Variants in ANXA6 observed in about 807,000 individuals in gnomAD.
ANXA6 encodes 67 kDa calelectrin.
A neutral mutation model predicts 95.4 loss-of-function variants in ANXA6; 71 were observed. That is an observed-to-expected ratio of 0.74 (90% CI 0.61 to 0.91). ANXA6 has a LOEUF of 0.91. ANXA6 is among the 40% of genes least tolerant of loss of function. The pLI is 0.00. For missense variants in ANXA6, 830 were observed against 876.4 expected (o/e 0.95, Z 0.67); for synonymous variants, 289 against 315.9 (o/e 0.91, Z 0.90).
intron 2 of ANXA6, among the ~76,000 whole-genome samples, chr5:151,141,094 G>A (rs749882009): frequency 1.3e-5 from 2 of 152,260 alleles, no homozygotes; most frequent in Non-Finnish European, 2.9e-5. Flanking sequence ...GGAGAGAAGC[G>A]GCAGAGAGCC....
At chr5:151,127,187 C>T (rs552084144) in intron 13 of ANXA6, among the ~76,000 whole-genome samples, 2 of 152,368 alleles carry the variant, frequency 1.3e-5, no homozygotes, top group South Asian at 4.1e-4. Flanking sequence ...CCTGCATCTC[C>T]TCCTGCAAAG....
intron 15 of ANXA6, among the ~76,000 whole-genome samples, chr5:151,124,062 A>T (rs1309169411): frequency 6.6e-6 from 1 of 152,090 alleles, no homozygotes; most frequent in African/African-American, 2.4e-5. Flanking sequence ...AGGCTGGGGG[A>T]CACCTTGGTC....
chr5:151,129,788 A>G (rs1331306414), intron 11 of ANXA6, among the ~76,000 whole-genome samples: 1 of 151,940 alleles, frequency 6.6e-6, no homozygotes, highest in Non-Finnish European at 1.5e-5. Context: ...TCAGCTCACT[A>G]CAACCTCTGC....
At chr5:151,132,987 G>T in intron 9 of ANXA6, 107 bp downstream of exon 9, 1 of 857,882 alleles carries the variant, frequency 1.2e-6, no homozygotes, top group Non-Finnish European at 1.9e-6. Context: ...GGTTGGGAAT[G>T]AAGTAGGTAT....
intron 1 of ANXA6, among the ~76,000 whole-genome samples, chr5:151,150,457 T>A (rs535988701): frequency 6.6e-6 from 1 of 152,346 alleles, no homozygotes; most frequent in Non-Finnish European, 1.5e-5. Flanking sequence ...TGATATTTAC[T>A]GTGCTGGTGG....
intron 25 of ANXA6, among the ~76,000 whole-genome samples, chr5:151,101,961 G>T (rs948910921): frequency 6.6e-6 from 1 of 152,198 alleles, no homozygotes; most frequent in Non-Finnish European, 1.5e-5. Flanking sequence ...GCACTCTGCT[G>T]ATACCCTCCC....
intron 11 of ANXA6, 123 bp downstream of exon 11, chr5:151,131,108 C>T: frequency 1.0e-6 from 1 of 987,462 alleles, no homozygotes; most frequent in East Asian, 2.5e-5. Flanking sequence ...AGAGCACCTT[C>T]ACCAGGGTCA....
chr5:151,104,655 C>A (rs1422673306), intron 24 of ANXA6, among the ~76,000 whole-genome samples: 1 of 152,194 alleles, frequency 6.6e-6, no homozygotes, highest in Non-Finnish European at 1.5e-5. Flanking sequence ...TTCCTTCCTA[C>A]CCTCCCACCT....
intron 4 of ANXA6, 109 bp downstream of exon 4, chr5:151,139,244 A>T: frequency 1.3e-6 from 1 of 784,102 alleles, no homozygotes; most frequent in East Asian, 2.7e-5. Flanking sequence ...GTGTCAGCCC[A>T]CAGGCTAACC....
intron 1 of ANXA6, among the ~76,000 whole-genome samples, chr5:151,153,699 A>C (rs116030767): frequency 2.0e-5 from 3 of 152,308 alleles, no homozygotes; most frequent in Non-Finnish European, 4.4e-5. Context: ...AAGTAATTCT[A>C]ATACATACTC....
chr5:151,123,846 C>T (rs1038959634), intron 15 of ANXA6, among the ~76,000 whole-genome samples: 2 of 146,386 alleles, frequency 1.4e-5, no homozygotes, highest in African/African-American at 5.1e-5. Flanking sequence ...GAAAGACCTG[C>T]CCAGCAGGGC....
rs1348507126 is a variant in ANXA6 at position 151,105,323 on chromosome 5, G to C, written c.1781-20C>G. 3 of 1,613,306 alleles carry C rather than the reference G, an allele frequency of 1.9e-6. No homozygotes were observed. The African/African-American group carries it at 4.0e-5, about 22-fold the overall frequency. ...TTTGAACTGGTAGGAAGAGCAGAGA[G>C]ATGCGGGGAACGTGGTCAGAGGCTG... On this transcript the variant is annotated intron_variant, in intron 23 of 25. Coordinates refer to ENST00000354546, the MANE Select transcript of ANXA6 (RefSeq NM_001155.5).
intron 24 of ANXA6, 54 bp downstream of exon 24, chr5:151,105,187 TTGTG>T: frequency 6.8e-7 from 1 of 1,475,254 alleles, no homozygotes; most frequent in East Asian, 2.3e-5. Context: ...ATCTGTGTGT[TTGTG>T]TGTGTATGTA....
intron 1 of ANXA6, among the ~76,000 whole-genome samples, chr5:151,148,980 GC>G (rs1766037795): frequency 6.6e-6 from 1 of 150,808 alleles, no homozygotes; most frequent in South Asian, 2.1e-4. Flanking sequence ...TTCGAGACCA[GC>G]CTAGGTAACA....
At position 151,110,609 on chromosome 5, in the gene ANXA6, G is replaced by A. The variant is rs1282795708; in HGVS notation, c.1590+18C>T. ...ACTCAGAGGCCGTTAAAACCCAAAT[G>A]AAGAACAGGACACTCACCAAGATCT... On this transcript the variant is annotated intron_variant, in intron 21 of 25. Coordinates refer to ENST00000354546, the MANE Select transcript of ANXA6 (RefSeq NM_001155.5). 3.1e-6 allele frequency: 5 copies of A among 1,613,054 alleles called. No homozygotes were observed. The highest frequency in any genetic ancestry group is 3.3e-5 in the Admixed American group (2 of 59,998).
At chr5:151,119,607 A>T (rs1325220669) in intron 17 of ANXA6, among the ~76,000 whole-genome samples, 2 of 152,198 alleles carry the variant, frequency 1.3e-5, no homozygotes, top group African/African-American at 2.4e-5. Flanking sequence ...TTTGCCTTCC[A>T]GCCCCCCAAA....
rs574176470 is a variant in ANXA6, at chr5:151,127,629, T to C, written c.977+552A>G. 3.3e-5 allele frequency among the ~76,000 whole-genome samples: 5 copies of C among 152,302 alleles called. No individual in the cohort carries two copies. The South Asian group carries it at 1.0e-3, about 32-fold the overall frequency. On this transcript the variant is annotated intron_variant, in intron 13 of 25. Transcript: ENST00000354546. ...CAAAGAGTCTCCCCTTGGTCTGGGC[T>C]AGGGCATCTCTGTGTGCTTTTATAT...
chr5:151,156,614 G>A (rs1766243792), intron 1 of ANXA6, among the ~76,000 whole-genome samples: 1 of 152,180 alleles, frequency 6.6e-6, no homozygotes, highest in South Asian at 2.1e-4. Context: ...AAACCCGGGA[G>A]CCATATGTCC....
intron 3 of ANXA6, 81 bp from the exon 4 acceptor site, chr5:151,139,528 A>T: frequency 1.1e-6 from 1 of 919,766 alleles, no homozygotes; most frequent in Non-Finnish European, 1.8e-6. Flanking sequence ...CCCTGGACAC[A>T]GGCCTAGTAG....
Sources: gnomAD v4.1 joint callset for allele counts (sites outside exome capture counted in the v4.1 genomes callset) on GRCh38, gnomAD v4.1.1 for gene constraint, MANE v1.5 for transcripts, NCBI Gene and HGNC (gene_info 2026-07-23, HGNC 2026-07-21) for gene names.